Variants in FAT4 observed in about 807,000 individuals in gnomAD.
The protein encoded by FAT4 is FAT atypical cadherin 4.
Under a neutral mutation model 303.9 loss-of-function variants are expected in FAT4, and 84 were observed. That is an observed-to-expected ratio of 0.28 (90% CI 0.23 to 0.33). FAT4 has a LOEUF of 0.33. Ranked by LOEUF, FAT4 falls within the 10% of genes least tolerant of loss-of-function variation. The probability of loss-of-function intolerance (pLI) is 1.00; values close to 1 mark genes in which losing one functional copy is unlikely to be tolerated. For missense variants in FAT4, 6,005 were observed against 6,146.8 expected (o/e 0.98, Z 0.77); for synonymous variants, 2,307 against 2,298.8 (o/e 1.00, Z -0.10).
At chr4:125,469,489 G>A (rs1726786926) in intron 12 of FAT4, among the ~76,000 whole-genome samples, 2 of 152,304 alleles carry the variant, frequency 1.3e-5, no homozygotes, top group Admixed American at 6.5e-5. Context: ...TTGAAGTCAA[G>A]CCTCTCTCAA....
chr4:125,379,841 A>C (rs904662295), intron 2 of FAT4, among the ~76,000 whole-genome samples: 1 of 151,638 alleles, frequency 6.6e-6, no homozygotes, highest in Non-Finnish European at 1.5e-5. Flanking sequence ...AAACACACAC[A>C]TATATATGTA....
chr4:125,349,786 C>T (rs571516484), intron 2 of FAT4, among the ~76,000 whole-genome samples: 12 of 151,670 alleles, frequency 7.9e-5, no homozygotes, highest in Admixed American at 7.9e-4. Flanking sequence ...CACAAAGGCT[C>T]ATTTCAGAAA....
chr4:125,332,471 GAAAC>G (rs1262216522), intron 2 of FAT4, among the ~76,000 whole-genome samples: 2 of 152,162 alleles, frequency 1.3e-5, no homozygotes, highest in East Asian at 1.9e-4. Context: ...AGTTGCTCAG[GAAAC>G]AAACAAGTTA....
intron 2 of FAT4, among the ~76,000 whole-genome samples, chr4:125,381,841 T>C (rs1309176138): frequency 6.6e-6 from 1 of 152,230 alleles, no homozygotes; most frequent in Non-Finnish European, 1.5e-5. Flanking sequence ...GCCACTCTTT[T>C]ATCAGCTAAG....
At chr4:125,332,011 C>T (rs1203405994) in intron 2 of FAT4, among the ~76,000 whole-genome samples, 1 of 152,140 alleles carries the variant, frequency 6.6e-6, no homozygotes, top group Non-Finnish European at 1.5e-5. Context: ...TAGCCTACTT[C>T]ATAGCTTCTT....
chr4:125,437,802 C>G (rs1725512335), intron 8 of FAT4, among the ~76,000 whole-genome samples: 1 of 152,190 alleles, frequency 6.6e-6, no homozygotes, highest in Non-Finnish European at 1.5e-5. Flanking sequence ...CCTGACTCTA[C>G]TATTACTATT....
At chr4:125,345,222 C>G (rs75346256) in intron 2 of FAT4, among the ~76,000 whole-genome samples, 12,844 of 152,114 alleles carry the variant, frequency 0.084, 576 homozygotes, top group Middle Eastern at 0.18. Context: ...AGCAGATCAT[C>G]CTCCAACTTA....
In FAT4 at chr4:125,416,726, A is replaced by T. The variant is rs563170442; in HGVS notation, c.7018+104A>T. ...TTTGGGAGGCCAAGGTGGATGGATT[A>T]CTTGAGGTCGGGAGTTCAAGACCAG... On this transcript the variant is annotated intron_variant, in intron 7 of 17. Coordinates refer to ENST00000394329, the MANE Select transcript of FAT4 (RefSeq NM_001291303.3). 1.6e-5 allele frequency: 18 copies of T among 1,160,630 alleles called. No homozygotes were observed. In the East Asian group the frequency reaches 4.3e-4, roughly 28 times the overall value. The allele number at this position is 1,160,630 out of a possible 1,614,324, so 71.9% of individuals were successfully genotyped here.
chr4:125,484,474 TA>T (rs1347799047), intron 16 of FAT4, among the ~76,000 whole-genome samples: 1 of 152,180 alleles, frequency 6.6e-6, no homozygotes, highest in Non-Finnish European at 1.5e-5. Flanking sequence ...CTGGTTTTTT[TA>T]AGTGGGCAAC....
In FAT4 at chr4:125,315,817, G is replaced by C. The variant is rs967732654; in HGVS notation, c.-173G>C. Among the ~76,000 whole-genome samples the C allele has an allele frequency of 6.6e-6, 1 of 152,162 alleles. No individual in the cohort carries two copies. Among genetic ancestry groups the C allele is most frequent in the Non-Finnish European group, 1.5e-5 (1 of 68,032 alleles). Reference sequence around the variant, plus strand: ...GGCCACTGCCGGCGCCCTGTTGGAGGGGCGTTGCAGCCTGGTTTTTGAGGA... The same window carrying C: ...GGCCACTGCCGGCGCCCTGTTGGAGCGGCGTTGCAGCCTGGTTTTTGAGGA... On this transcript the variant is annotated 5_prime_UTR_variant, in exon 1 of 18. Coordinates refer to ENST00000394329, the MANE Select transcript of FAT4 (RefSeq NM_001291303.3).
rs781646773 is a variant in FAT4 at position 125,451,170 on chromosome 4, A to G, written c.10160A>G (p.Asp3387Gly). Residue 3387 changes from aspartate (D) to glycine (G), a missense_variant, in exon 10 of 18, where the codon GAT (aspartate) becomes GGT (glycine). Asp to Gly is a moderately conservative substitution (Grantham distance 94, BLOSUM62 -1). Transcript: ENST00000394329. ...AKNFGSIRGADIDEVTVNVTV... is the reference protein window; with the variant it reads ...AKNFGSIRGAGIDEVTVNVTV... The stretch of plus-strand genomic sequence containing the variant: ...AACTTTGGCAGCATTAGAGGTGCAG[A>G]TATAGATGAGGTCACTGTAAATGTC... The G allele has an allele frequency of 6.2e-7, 1 of 1,614,140 alleles. No homozygotes were observed. The highest frequency in any genetic ancestry group is 1.7e-5 in the Admixed American group (1 of 60,008).
At chr4:125,341,274 A>G (rs966601819) in intron 2 of FAT4, among the ~76,000 whole-genome samples, 3 of 152,178 alleles carry the variant, frequency 2.0e-5, no homozygotes, top group Non-Finnish European at 2.9e-5. Context: ...AAAATGAACT[A>G]AAATAAGGAT....
At chr4:125,361,514 T>A (rs1270987813) in intron 2 of FAT4, among the ~76,000 whole-genome samples, 2 of 152,226 alleles carry the variant, frequency 1.3e-5, no homozygotes, top group East Asian at 3.9e-4. Context: ...TGAGAGGTGA[T>A]CTGACAAGTG....
Position 125,491,782 on chromosome 4 carries a change from GCACTAT to G in FAT4, c.*15_*20del, listed in dbSNP as rs1279281895. 6.3e-7 allele frequency: 1 copy of G among 1,576,336 alleles called. No homozygotes were observed. ...CAGTATGTGTGAAGTTTATGTACTG[GCACTAT>G]AAAATATAAAAACAAGAAATAATAC... On this transcript the variant is annotated 3_prime_UTR_variant, in exon 18 of 18. Transcript: ENST00000394329.
intron 16 of FAT4, among the ~76,000 whole-genome samples, chr4:125,486,143 C>T (rs1297202069): frequency 2.9e-5 from 4 of 139,066 alleles, no homozygotes; most frequent in Non-Finnish European, 3.1e-5. Context: ...AAGGCTTTTC[C>T]TTTTTTTTTT....
chr4:125,319,649 C>T lies in FAT4; in HGVS notation c.3238C>T (p.Leu1080Phe). The T allele has an allele frequency of 6.2e-7, 1 of 1,613,980 alleles. No individual in the cohort carries two copies. ...TGCTTCTGACAGAGCAGTGGAACCC[C>T]TTAGTGCTACTGTGAATGTTACTGT... Reference protein sequence around the residue: ...VVASDRAVEPLSATVNVTVIL... With the variant: ...VVASDRAVEPFSATVNVTVIL... The change falls in exon 2 of 18, where the codon CTT becomes TTT. Residue 1080 changes from leucine to phenylalanine, a missense_variant. Coordinates refer to ENST00000394329, the MANE Select transcript of FAT4 (RefSeq NM_001291303.3).
intron 2 of FAT4, among the ~76,000 whole-genome samples, chr4:125,385,800 TCA>T (rs1733725659): frequency 6.6e-6 from 1 of 152,176 alleles, no homozygotes; most frequent in Non-Finnish European, 1.5e-5. Flanking sequence ...CCATAGTAGT[TCA>T]GACTTCTTAA....
At chr4:125,369,106 C>G (rs1156892946) in intron 2 of FAT4, among the ~76,000 whole-genome samples, 2 of 152,104 alleles carry the variant, frequency 1.3e-5, no homozygotes, top group African/African-American at 4.8e-5. Context: ...TCTCTATCAG[C>G]CTTTTGCTTT....
intron 2 of FAT4, 69 bp downstream of exon 2, chr4:125,321,655 C>T: frequency 7.0e-7 from 1 of 1,420,632 alleles, no homozygotes; most frequent in Non-Finnish European, 9.5e-7. Flanking sequence ...TTTATATTTA[C>T]TCTCTATAAT....
Sources: allele counts gnomAD v4.1 joint callset (sites outside exome capture counted in the v4.1 genomes callset), GRCh38; gene constraint gnomAD v4.1.1; transcripts MANE v1.5; gene names NCBI Gene and HGNC (gene_info 2026-07-23, HGNC 2026-07-21).